SAMD3: variants seen among roughly 807,000 people sequenced by gnomAD.
SAMD3 encodes sterile alpha motif domain-containing protein 3.
Under a neutral mutation model 58.5 loss-of-function variants are expected in SAMD3, and 63 were observed. That is an observed-to-expected ratio of 1.08 (90% confidence interval 0.88 to 1.33). The LOEUF (loss-of-function observed/expected upper bound fraction) is 1.33, where lower values mean the gene tolerates loss of function less well. SAMD3 is among the 40% of genes most tolerant of loss of function. The pLI, the probability that SAMD3 is intolerant of heterozygous loss-of-function variation, is 0.00. For synonymous variants in SAMD3, 220 were observed against 210.3 expected, an observed-to-expected ratio of 1.05 and a Z score of -0.40; for missense variants, 604 against 608.4, an observed-to-expected ratio of 0.99 and a Z score of 0.08.
chr6:130,171,605 G>A (rs1791252011), intron 8 of SAMD3, among the ~76,000 whole-genome samples: 1 of 152,136 alleles, frequency 6.6e-6, no homozygotes, highest in Admixed American at 6.6e-5. Context: ...TTTTACATTT[G>A]CTGAGGAGTG....
chr6:130,249,068 G>A (rs1398867686), intron 2 of SAMD3, among the ~76,000 whole-genome samples: 3 of 152,090 alleles, frequency 2.0e-5, no homozygotes, highest in Non-Finnish European at 2.9e-5. Flanking sequence ...CTCTTTCCTG[G>A]AAAACTTGGT....
chr6:130,238,419 C>T (rs1216559688), intron 2 of SAMD3, among the ~76,000 whole-genome samples: 2 of 151,992 alleles, frequency 1.3e-5, no homozygotes, highest in Admixed American at 1.3e-4. Context: ...ACTTTTAGTT[C>T]TATCAAGTCA....
chr6:130,150,527 C>A (rs1400435862), intron 9 of SAMD3, among the ~76,000 whole-genome samples: 1 of 152,068 alleles, frequency 6.6e-6, no homozygotes, highest in Non-Finnish European at 1.5e-5. Flanking sequence ...TATGGTGGAT[C>A]TTCTGGTCCT....
At chr6:130,211,833 A>G (rs113768622) in intron 4 of SAMD3, among the ~76,000 whole-genome samples, 1 of 150,960 alleles carries the variant, frequency 6.6e-6, no homozygotes, top group Non-Finnish European at 1.5e-5. Context: ...TGTCTCAGAG[A>G]CTTTTGGGTT....
At chr6:130,266,015 G>A (rs981307750) in intron 2 of SAMD3, among the ~76,000 whole-genome samples, 9 of 152,114 alleles carry the variant, frequency 5.9e-5, no homozygotes, top group African/African-American at 1.9e-4. Flanking sequence ...GGGAAAAGTG[G>A]CCCTTCCTGT....
intron 2 of SAMD3, among the ~76,000 whole-genome samples, chr6:130,269,758 G>A (rs1388695170): frequency 6.7e-6 from 1 of 150,310 alleles, no homozygotes; most frequent in Non-Finnish European, 1.5e-5. Flanking sequence ...TGCTTGCTTT[G>A]GGTTTATTTT....
chr6:130,281,919 G>A (rs138140353), intron 2 of SAMD3, among the ~76,000 whole-genome samples: 43 of 151,984 alleles, frequency 2.8e-4, no homozygotes, highest in African/African-American at 9.9e-4. Context: ...AAGCTTATGC[G>A]CCAGTGGAAT....
intron 2 of SAMD3, among the ~76,000 whole-genome samples, chr6:130,231,633 T>C (rs755952873): frequency 4.6e-5 from 7 of 152,204 alleles, no homozygotes; most frequent in African/African-American, 7.2e-5. Context: ...TATAAATTAA[T>C]TAGACATACC....
At chr6:130,344,381 C>T (rs1777375329) in intron 1 of SAMD3, among the ~76,000 whole-genome samples, 1 of 152,058 alleles carries the variant, frequency 6.6e-6, no homozygotes. Flanking sequence ...CTGACCTTCC[C>T]TGGCTTCTTT....
At chr6:130,346,792 C>G (rs1204082711) in intron 1 of SAMD3, among the ~76,000 whole-genome samples, 2 of 152,202 alleles carry the variant, frequency 1.3e-5, no homozygotes, top group Non-Finnish European at 2.9e-5. Context: ...TCAAGTGGGT[C>G]CCTGACCCCT....
chr6:130,342,948 T>C (rs1777317931), intron 1 of SAMD3, among the ~76,000 whole-genome samples: 1 of 152,164 alleles, frequency 6.6e-6, no homozygotes, highest in Non-Finnish European at 1.5e-5. Flanking sequence ...GATTCAACTA[T>C]ACAAGGAACA....
intron 2 of SAMD3, among the ~76,000 whole-genome samples, chr6:130,304,272 C>T (rs751088367): frequency 5.9e-5 from 9 of 152,104 alleles, no homozygotes; most frequent in Non-Finnish European, 1.0e-4. Flanking sequence ...TGGGTTCAAG[C>T]GATTCTCCTG....
At chr6:130,147,922 A>G (rs376554246) in intron 9 of SAMD3, among the ~76,000 whole-genome samples, 1 of 152,270 alleles carries the variant, frequency 6.6e-6, no homozygotes, top group African/African-American at 2.4e-5. Context: ...CAAGAATATT[A>G]GCATTTCTCA....
At position 130,341,664 on chromosome 6, in the gene SAMD3, A is replaced by G. The variant is rs1777278775; in HGVS notation, c.-304+23456T>C. ...GTCAGTATGTAAGGATGTGGATGAC[A>G]TCCTGGAATTGGTATACTAAGAGTG... On this transcript the variant is annotated intron_variant, in intron 1 of 13. Coordinates refer to the SAMD3 transcript ENST00000368134. Among the ~76,000 whole-genome samples, 4 of 152,208 alleles carry G rather than the reference A, an allele frequency of 2.6e-5. No homozygotes were observed. The South Asian group carries it at 8.3e-4, about 32-fold the overall frequency.
At chr6:130,307,005 T>G (rs546099057) in intron 2 of SAMD3, among the ~76,000 whole-genome samples, 1 of 152,376 alleles carries the variant, frequency 6.6e-6, no homozygotes, top group African/African-American at 2.4e-5. Flanking sequence ...TGACTTATTC[T>G]CTCATTCTCT....
intron 2 of SAMD3, among the ~76,000 whole-genome samples, chr6:130,239,516 A>C (rs1773282208): frequency 6.6e-6 from 1 of 152,170 alleles, no homozygotes; most frequent in African/African-American, 2.4e-5. Flanking sequence ...CAACTCTATA[A>C]ATATAGATTT....
chr6:130,194,221 G>A (rs1793859092), intron 5 of SAMD3, among the ~76,000 whole-genome samples: 1 of 151,924 alleles, frequency 6.6e-6, no homozygotes, highest in Non-Finnish European at 1.5e-5. Flanking sequence ...TTCTTTATCC[G>A]ACCTCTCCCA....
chr6:130,172,591 G>A (rs887476790), intron 8 of SAMD3, among the ~76,000 whole-genome samples: 3 of 152,194 alleles, frequency 2.0e-5, no homozygotes, highest in African/African-American at 7.2e-5. Context: ...AGTCTAATGG[G>A]CTTCCCTTTA....
intron 8 of SAMD3, among the ~76,000 whole-genome samples, chr6:130,171,431 T>C (rs1251773588): frequency 1.3e-5 from 2 of 152,196 alleles, no homozygotes; most frequent in Non-Finnish European, 2.9e-5. Context: ...CTCACTGGTT[T>C]CAAAGAACAT....
Sources: allele counts gnomAD v4.1 joint callset (sites outside exome capture counted in the v4.1 genomes callset), GRCh38; gene constraint gnomAD v4.1.1; transcripts MANE v1.5; gene names NCBI Gene and HGNC (gene_info 2026-07-23, HGNC 2026-07-21).